Variants in ADD3 observed in about 807,000 individuals in gnomAD.
The protein encoded by ADD3 is adducin 3.
Under a neutral mutation model 80.2 loss-of-function variants are expected in ADD3, and 25 were observed. The ratio of observed to expected loss-of-function variants is 0.31; its 90% CI spans 0.23 to 0.44. The LOEUF is 0.44. Among genes scored for constraint, ADD3 ranks in the 20% least tolerant of loss-of-function variants. ADD3 has a pLI of 1.00. For synonymous variants in ADD3, 284 were observed against 289.6 expected (o/e 0.98, Z 0.20); for missense variants, 829 against 847.5 (o/e 0.98, Z 0.27).
At chr10:109,999,266 C>T (rs1388665039) in intron 1 of ADD3, among the ~76,000 whole-genome samples, 1 of 152,142 alleles carries the variant, frequency 6.6e-6, no homozygotes, top group Non-Finnish European at 1.5e-5. Context: ...TTTTGCTGTC[C>T]ATGTTCAATG....
intron 1 of ADD3, among the ~76,000 whole-genome samples, chr10:110,025,074 T>G (rs903531090): frequency 6.6e-6 from 1 of 152,026 alleles, no homozygotes; most frequent in Admixed American, 6.6e-5. Flanking sequence ...TTTTGTATTT[T>G]TAATAGCGTC....
chr10:110,078,862 G>A (rs1049784126), intron 1 of ADD3, among the ~76,000 whole-genome samples: 15 of 152,098 alleles, frequency 9.9e-5, no homozygotes, highest in African/African-American at 3.4e-4. Context: ...CTGGAGCAAA[G>A]CTTGCCAACG....
chr10:110,040,946 C>T (rs1213443853), intron 1 of ADD3, among the ~76,000 whole-genome samples: 2 of 23,624 alleles, frequency 8.5e-5, no homozygotes, highest in East Asian at 5.0e-3. Flanking sequence ...CTCTCTCTCG[C>T]TCTCTCTGTC....
intron 12 of ADD3, 66 bp from the exon 13 acceptor site, chr10:110,130,297 G>A: frequency 6.6e-7 from 1 of 1,514,578 alleles, no homozygotes; most frequent in Non-Finnish European, 9.1e-7. Flanking sequence ...TATATAGATG[G>A]ATGGATGGAT....
intron 1 of ADD3, among the ~76,000 whole-genome samples, chr10:110,021,825 A>G (rs1439906468): frequency 1.3e-5 from 2 of 152,212 alleles, no homozygotes; most frequent in Non-Finnish European, 2.9e-5. Flanking sequence ...GAATATACTG[A>G]AAACCACTGA....
At position 110,118,573 on chromosome 10, in the gene ADD3, C is replaced by T. The variant is rs772923860; in HGVS notation, c.568-14C>T. 8 of 1,612,106 alleles carry T rather than the reference C, an allele frequency of 5.0e-6. No homozygotes were observed. The African/African-American group carries it at 8.0e-5, about 16-fold the overall frequency. On this transcript the variant is annotated splice_polypyrimidine_tract_variant and intron_variant, in intron 5 of 14. Coordinates refer to ENST00000356080, the MANE Select transcript of ADD3 (RefSeq NM_016824.5). ...GTATATACCAGTTAAATATGTCCTT[C>T]TGATTTTTTCCAGGTGAAAGTCAAT... is the stretch of plus-strand genomic sequence containing the variant.
chr10:110,048,013 G>A (rs181535223), intron 1 of ADD3, among the ~76,000 whole-genome samples: 131 of 152,264 alleles, frequency 8.6e-4, no homozygotes, highest in African/African-American at 3.0e-3. Context: ...ATATTGAATT[G>A]TGGCTCCCAT....
intron 1 of ADD3, among the ~76,000 whole-genome samples, chr10:110,030,084 G>A (rs1854810716): frequency 6.6e-6 from 1 of 152,144 alleles, no homozygotes; most frequent in Non-Finnish European, 1.5e-5. Flanking sequence ...AGCACTTTGG[G>A]AGGCCGAGGT....
intron 1 of ADD3, among the ~76,000 whole-genome samples, chr10:110,013,364 A>G (rs906539796): frequency 6.6e-6 from 1 of 152,110 alleles, no homozygotes; most frequent in South Asian, 2.1e-4. Flanking sequence ...CGGCTACCCA[A>G]AGTGCTGGGG....
At chr10:110,047,387 C>G (rs1001885220) in intron 1 of ADD3, among the ~76,000 whole-genome samples, 49 of 151,074 alleles carry the variant, frequency 3.2e-4, no homozygotes, top group African/African-American at 1.2e-3. Flanking sequence ...TCACTTGGCT[C>G]TCTCAGCCTC....
intron 1 of ADD3, among the ~76,000 whole-genome samples, chr10:110,061,026 A>T (rs1398553042): frequency 6.6e-6 from 1 of 152,220 alleles, no homozygotes; most frequent in South Asian, 2.1e-4. Flanking sequence ...TTTTGACCGT[A>T]TTTGACATTC....
chr10:110,003,382 A>G (rs1029401342), upstream of ADD3, among the ~76,000 whole-genome samples: 1 of 152,024 alleles, frequency 6.6e-6, no homozygotes, highest in Non-Finnish European at 1.5e-5. Context: ...TTCTGAAACA[A>G]CAAGTAGTAA....
intron 1 of ADD3, among the ~76,000 whole-genome samples, chr10:110,065,646 C>G (rs1196852656): frequency 6.7e-6 from 1 of 149,094 alleles, no homozygotes; most frequent in Non-Finnish European, 1.5e-5. Context: ...TTCAAGTGAT[C>G]CTCCTGCCTC....
intron 1 of ADD3, among the ~76,000 whole-genome samples, chr10:110,010,973 G>T (rs1852266454): frequency 6.6e-6 from 1 of 152,174 alleles, no homozygotes; most frequent in Non-Finnish European, 1.5e-5. Context: ...ATTAAATACA[G>T]TCACCTTTTG....
At position 110,130,388 on chromosome 10, in the gene ADD3, A is replaced by G. The variant is rs779935304; in HGVS notation, c.1634A>G (p.His545Arg). The change falls in exon 13 of 15, where the codon CAT becomes CGT. Residue 545 changes from histidine (H) to arginine (R), a missense_variant. Transcript: ENST00000356080. Reference protein sequence around the residue: ...PSTMQFEDDDHGPPAPPNPFS... With the variant: ...PSTMQFEDDDRGPPAPPNPFS... ...ACTATGCAATTTGAAGATGATGATCATGGCCCACCAGCTCCTCCTAACCCA... is the reference window on the plus strand; with the variant it reads ...ACTATGCAATTTGAAGATGATGATCGTGGCCCACCAGCTCCTCCTAACCCA... The G allele has an allele frequency of 1.1e-5, 17 of 1,614,152 alleles. No homozygotes were observed. In the African/African-American group the frequency reaches 1.1e-4, roughly 10 times the overall value.
rs749885468 is a variant in ADD3 at position 110,112,799 on chromosome 10, G to A, written c.218G>A (p.Cys73Tyr). ...QSPAFREDLE[C>Y]LIQEQMKKGH... ...CAGGCCTTTCGGGAAGACTTGGAAT[G>A]CCTTATTCAAGAACAGATGAAGAAA... is the stretch of plus-strand genomic sequence containing the variant. Residue 73 changes from cysteine (C) to tyrosine (Y), a missense_variant, in exon 3 of 15, where the codon TGC becomes TAC. Coordinates refer to ENST00000356080, the MANE Select transcript of ADD3 (RefSeq NM_016824.5). 3.1e-6 allele frequency: 5 copies of A among 1,613,924 alleles called. No individual in the cohort carries two copies. The highest frequency in any genetic ancestry group is 4.2e-6 in the Non-Finnish European group (5 of 1,179,934).
intron 3 of ADD3, 90 bp downstream of exon 3, chr10:110,113,005 C>G: frequency 7.1e-7 from 1 of 1,399,310 alleles, no homozygotes; most frequent in Non-Finnish European, 9.8e-7. Flanking sequence ...TGCTCGGGTT[C>G]AGTCCTTAAG....
At position 110,035,684 on chromosome 10, in the gene ADD3, T is replaced by C. The variant is rs569402404; in HGVS notation, c.-30+27385T>C. On this transcript the variant is annotated intron_variant, in intron 1 of 14. Coordinates refer to ENST00000356080, the MANE Select transcript of ADD3 (RefSeq NM_016824.5). The stretch of plus-strand genomic sequence containing the variant: ...CTGGAGGGCTTGTTAAACCATAAAT[T>C]GCTAGGCCACACCCCATACTTTGAT... 3.3e-5 allele frequency among the ~76,000 whole-genome samples: 5 copies of C among 152,290 alleles called. No homozygotes were observed. In the East Asian group the frequency reaches 9.6e-4, roughly 29 times the overall value.
chr10:110,095,955 A>C (rs561833638), intron 1 of ADD3, among the ~76,000 whole-genome samples: 1 of 152,080 alleles, frequency 6.6e-6, no homozygotes, highest in African/African-American at 2.4e-5. Flanking sequence ...TTAAGGAGGG[A>C]GTGGAAATGG....
Sources: allele counts gnomAD v4.1 joint callset (sites outside exome capture counted in the v4.1 genomes callset), GRCh38; gene constraint gnomAD v4.1.1; transcripts MANE v1.5; gene names NCBI Gene and HGNC (gene_info 2026-07-23, HGNC 2026-07-21).